Variants in IMMP2L observed in about 807,000 individuals in gnomAD.
IMMP2L encodes the protein inner mitochondrial membrane peptidase subunit 2.
In IMMP2L, 18 loss-of-function variants were observed where a neutral mutation model predicts 19.3. The observed-to-expected ratio is 0.93, with a 90% CI of 0.64 to 1.38. IMMP2L has a LOEUF of 1.38. IMMP2L is among the 40% of genes most tolerant of loss of function. The pLI, the probability that IMMP2L is intolerant of heterozygous loss-of-function variation, is 0.00. For missense variants in IMMP2L, 233 were observed against 218.2 expected, an observed-to-expected ratio of 1.07 and a Z score of -0.43; for synonymous variants, 76 against 73.0, an observed-to-expected ratio of 1.04 and a Z score of -0.21.
At chr7:111,014,722 A>G (rs1825330301) in intron 3 of IMMP2L, among the ~76,000 whole-genome samples, 1 of 152,156 alleles carries the variant, frequency 6.6e-6, no homozygotes, top group African/African-American at 2.4e-5. Context: ...TATATGCAAC[A>G]ACAACAAAAA....
In IMMP2L at chr7:111,213,316, G is replaced by A. The variant is rs1017006689; in HGVS notation, c.240-249751C>T. On this transcript the variant is annotated intron_variant, in intron 3 of 5. Coordinates refer to ENST00000405709, the MANE Select transcript of IMMP2L (RefSeq NM_032549.4). The surrounding 1 kb of genome is among the most constrained non-coding windows in gnomAD (Gnocchi z 4.8). ...CCTCAGCCCCCTCCAGGCTTTGGGT[G>A]CCAATGAGCATGGGAGGGAGGCTGA... Among the ~76,000 whole-genome samples the A allele has an allele frequency of 3.9e-5, 6 of 152,200 alleles. No homozygotes were observed. Among genetic ancestry groups the A allele is most frequent in the Admixed American group, 2.6e-4 (4 of 15,286 alleles).
intron 2 of IMMP2L, among the ~76,000 whole-genome samples, chr7:111,499,890 C>T (rs985903521): frequency 8.5e-5 from 13 of 152,056 alleles, no homozygotes; most frequent in East Asian, 3.9e-4. Flanking sequence ...ACGCAGAAGA[C>T]GGGTGATTTC....
chr7:110,861,127 GAGACAGAGAC>G (rs1353075973), intron 5 of IMMP2L, among the ~76,000 whole-genome samples: 68 of 145,834 alleles, frequency 4.7e-4, no homozygotes, highest in East Asian at 2.3e-3. Flanking sequence ...GAGAGAGAGA[GAGACAGAGAC>G]AGAGAGACAG....
intron 2 of IMMP2L, among the ~76,000 whole-genome samples, chr7:111,509,262 C>A (rs1396258255): frequency 6.6e-6 from 1 of 152,226 alleles, no homozygotes; most frequent in East Asian, 1.9e-4. Flanking sequence ...GCTCATTAAT[C>A]TTCATTAATA....
chr7:111,483,995 C>A (rs4141271), intron 3 of IMMP2L, among the ~76,000 whole-genome samples: 1 of 151,870 alleles, frequency 6.6e-6, no homozygotes, highest in Non-Finnish European at 1.5e-5. Context: ...CAAAGTAACA[C>A]AAAACAATGA....
At chr7:111,276,637 A>G (rs1420462002) in intron 3 of IMMP2L, among the ~76,000 whole-genome samples, 5 of 149,686 alleles carry the variant, frequency 3.3e-5, no homozygotes, top group African/African-American at 1.2e-4. Flanking sequence ...ATTCATGTGG[A>G]ACCGAAAAAA....
intron 3 of IMMP2L, among the ~76,000 whole-genome samples, chr7:111,236,572 T>G (rs967053620): frequency 6.6e-6 from 1 of 152,146 alleles, no homozygotes; most frequent in Admixed American, 6.6e-5. Flanking sequence ...CAGCTTTTTG[T>G]AGGTTCCCCA....
intron 4 of IMMP2L, among the ~76,000 whole-genome samples, chr7:110,954,622 G>C (rs1384132087): frequency 6.6e-6 from 1 of 152,058 alleles, no homozygotes; most frequent in African/African-American, 2.4e-5. Context: ...CCATTTTATT[G>C]ATGAGGAAGA....
At chr7:111,307,602 C>A (rs1823019695) in intron 3 of IMMP2L, among the ~76,000 whole-genome samples, 1 of 151,360 alleles carries the variant, frequency 6.6e-6, no homozygotes. Context: ...AATATAATTA[C>A]ATACATTTTA....
chr7:111,328,319 A>T (rs1384167488), intron 3 of IMMP2L, among the ~76,000 whole-genome samples: 2 of 151,830 alleles, frequency 1.3e-5, no homozygotes, highest in African/African-American at 4.8e-5. Flanking sequence ...TATGACTGCA[A>T]TTATGACATA....
intron 5 of IMMP2L, chr7:110,725,774 T>C (rs1344124266): frequency 6.6e-6 from 1 of 152,204 alleles, no homozygotes; most frequent in Non-Finnish European, 1.5e-5. Context: ...GGCTGGTTTA[T>C]TCTGATTGGG....
intron 3 of IMMP2L, among the ~76,000 whole-genome samples, chr7:111,288,768 A>C (rs1279295494): frequency 6.6e-6 from 1 of 152,172 alleles, no homozygotes; most frequent in Non-Finnish European, 1.5e-5. Flanking sequence ...TCAGGAAACA[A>C]CAGATGCTGG....
intron 3 of IMMP2L, among the ~76,000 whole-genome samples, chr7:111,419,669 A>C (rs1835299736): frequency 6.6e-6 from 1 of 151,590 alleles, no homozygotes; most frequent in Admixed American, 6.6e-5. Context: ...ATTATGTCTC[A>C]TGTCTCCCTA....
chr7:110,844,693 T>TAGCGCACCAGCATGGCACATGTATACATA lies in IMMP2L; in HGVS notation c.408+41899_408+41900insTATGTATACATGTGCCATGCTGGTGCGCT, dbSNP rs1563019069. ...AAGCACTTAGTGGCAGGGAAGACAGTTAAGAAACTTCTACAGCAGTCCAGA... is the reference window on the plus strand; with the variant it reads ...AAGCACTTAGTGGCAGGGAAGACAGTAGCGCACCAGCATGGCACATGTATACATATAAGAAACTTCTACAGCAGTCCAGA... On this transcript the variant is annotated intron_variant, in intron 5 of 5. Coordinates refer to ENST00000405709, the MANE Select transcript of IMMP2L (RefSeq NM_032549.4). Among the ~76,000 whole-genome samples the TAGCGCACCAGCATGGCACATGTATACATA allele has an allele frequency of 8.0e-4, 93 of 116,594 alleles. 3 individuals are homozygous for TAGCGCACCAGCATGGCACATGTATACATA. The highest frequency in any genetic ancestry group is 1.4e-3 in the South Asian group (4 of 2,890). The allele number at this position is 116,594 out of a possible 152,430, so 76.5% of individuals were successfully genotyped here.
intron 4 of IMMP2L, among the ~76,000 whole-genome samples, chr7:110,942,058 G>T: frequency 6.6e-6 from 1 of 151,914 alleles, no homozygotes; most frequent in South Asian, 2.1e-4. Context: ...GAATCTGTTG[G>T]TAATAAAACA....
At chr7:111,266,187 T>A (rs1439034690) in intron 3 of IMMP2L, among the ~76,000 whole-genome samples, 1 of 152,156 alleles carries the variant, frequency 6.6e-6, no homozygotes, top group Non-Finnish European at 1.5e-5. Context: ...AATAACTAAT[T>A]CACTAAATGC....
intron 3 of IMMP2L, among the ~76,000 whole-genome samples, chr7:111,429,365 A>G (rs1836405898): frequency 1.3e-5 from 2 of 151,914 alleles, no homozygotes; most frequent in African/African-American, 4.9e-5. Flanking sequence ...TTCATCTTTC[A>G]GCAGAAGAGG....
At chr7:111,120,918 A>C (rs1053831030) in intron 3 of IMMP2L, among the ~76,000 whole-genome samples, 5 of 151,076 alleles carry the variant, frequency 3.3e-5, no homozygotes, top group African/African-American at 1.2e-4. Flanking sequence ...TTGGCCTTTT[A>C]TGTTGCCTCT....
At chr7:111,503,666 A>C (rs572334278) in intron 2 of IMMP2L, among the ~76,000 whole-genome samples, 1 of 152,330 alleles carries the variant, frequency 6.6e-6, no homozygotes, top group South Asian at 2.1e-4. Context: ...CTAGTTCAAC[A>C]TACACAAATC....
Sources: allele counts gnomAD v4.1 joint callset (sites outside exome capture counted in the v4.1 genomes callset), GRCh38; gene constraint gnomAD v4.1.1; non-coding constraint Gnocchi (gnomAD v3.1); transcripts MANE v1.5; gene names NCBI Gene and HGNC (gene_info 2026-07-23, HGNC 2026-07-21).